The following UNC80 variants were observed in gnomAD, a reference collection of about 807,000 sequenced individuals.
UNC80 encodes protein unc-80 homolog.
A neutral mutation model predicts 384.6 loss-of-function variants in UNC80; 164 were observed. The observed-to-expected ratio is 0.43, with a 90% confidence interval of 0.38 to 0.49. UNC80 has a LOEUF of 0.49. Among genes scored for constraint, UNC80 ranks in the 20% least tolerant of loss-of-function variants. The pLI is 0.00. For missense variants in UNC80, 3,330 were observed against 4,143.0 expected (o/e 0.80, Z 5.39); for synonymous variants, 1,486 against 1,527.8 (o/e 0.97, Z 0.64).
At position 209,998,228 on chromosome 2, in the gene UNC80, G is replaced by T. The variant is rs2093511158; in HGVS notation, c.*2633G>T. ...TTGGAATAAACCATGTGTTATCCAT[G>T]ATAGTATGACTCAGATCCAATTAAA... On this transcript the variant is annotated 3_prime_UTR_variant, in exon 65 of 65. Coordinates refer to ENST00000673920, the MANE Select transcript of UNC80 (RefSeq NM_001371986.1). 1 of 152,232 alleles carries T rather than the reference G, an allele frequency of 6.6e-6. No homozygotes were observed. The highest frequency in any genetic ancestry group is 2.1e-4 in the South Asian group (1 of 4,836). The allele number at this position is 152,232 out of a possible 1,614,324, so 9.4% of individuals were successfully genotyped here. A position where few individuals can be genotyped will look rare whatever the true frequency, so the allele number is the denominator to read the frequency against.
intron 3 of UNC80, 115 bp from the exon 4 acceptor site, chr2:209,777,143 A>T: frequency 8.4e-7 from 1 of 1,191,062 alleles, no homozygotes; most frequent in Non-Finnish European, 1.2e-6. Context: ...CCCTGCTAGC[A>T]GTGGTTGTAA....
At chr2:209,783,688 T>C (rs2077270896) in intron 4 of UNC80, among the ~76,000 whole-genome samples, 1 of 152,116 alleles carries the variant, frequency 6.6e-6, no homozygotes, top group South Asian at 2.1e-4. Flanking sequence ...GATTTCAGTA[T>C]AAGAGAGATC....
intron 8 of UNC80, 60 bp from the exon 9 acceptor site, chr2:209,815,197 A>T: frequency 1.3e-6 from 2 of 1,488,046 alleles, no homozygotes; most frequent in African/African-American, 2.8e-5. Context: ...TGACATTTCA[A>T]TAAGAACAGT....
At chr2:209,938,676 G>GTCTCTCTCTCTC (rs10555565) in intron 42 of UNC80, among the ~76,000 whole-genome samples, 109 of 137,450 alleles carry the variant, frequency 7.9e-4, no homozygotes, top group African/African-American at 1.5e-3. Context: ...CCTAGTCTCT[G>GTCTCTCTCTCTC]TCTCTCTCTC....
chr2:209,907,171 A>G (rs2088323460), intron 29 of UNC80, among the ~76,000 whole-genome samples: 1 of 150,986 alleles, frequency 6.6e-6, no homozygotes, highest in East Asian at 1.9e-4. Context: ...ATGTTTTCTC[A>G]TTCTTCTTTC....
At chr2:209,948,531 T>C (rs773061216) in intron 47 of UNC80, among the ~76,000 whole-genome samples, 24 of 152,186 alleles carry the variant, frequency 1.6e-4, no homozygotes, top group Non-Finnish European at 2.2e-4. Flanking sequence ...GTTATCAGTA[T>C]TTTTTATTTT....
chr2:209,881,222 C>A, intron 25 of UNC80, 128 bp downstream of exon 25: 3 of 1,076,322 alleles, frequency 2.8e-6, no homozygotes, highest in South Asian at 2.0e-5. Flanking sequence ...AAAAATTCAA[C>A]CAAGGGATTT....
chr2:209,772,256 GC>G, intron 1 of UNC80, 92 bp downstream of exon 1: 1 of 587,356 alleles, frequency 1.7e-6, no homozygotes, highest in Non-Finnish European at 2.4e-6. Flanking sequence ...CGCCGCTGAG[GC>G]CGCGCCACAG....
intron 25 of UNC80, among the ~76,000 whole-genome samples, chr2:209,882,383 T>C (rs914391955): frequency 1.3e-5 from 2 of 152,156 alleles, no homozygotes; most frequent in African/African-American, 4.8e-5. Context: ...ATGACACCTC[T>C]GCCTCTGGTT....
chr2:209,892,822 G>A (rs2086470169), intron 26 of UNC80, among the ~76,000 whole-genome samples: 1 of 152,170 alleles, frequency 6.6e-6, no homozygotes, highest in African/African-American at 2.4e-5. Context: ...TAGTGTGTGA[G>A]TTTTGTGCTA....
At chr2:209,905,183 G>A (rs1559302962) in intron 29 of UNC80, among the ~76,000 whole-genome samples, 1 of 152,066 alleles carries the variant, frequency 6.6e-6, no homozygotes, top group Non-Finnish European at 1.5e-5. Flanking sequence ...GTCTTATTCT[G>A]TAAATAAATA....
chr2:209,951,843 C>G (rs544941346), intron 47 of UNC80, among the ~76,000 whole-genome samples: 3 of 152,210 alleles, frequency 2.0e-5, no homozygotes, highest in Admixed American at 1.3e-4. Context: ...ATTTTTTCCT[C>G]CTTAACCACA....
Position 209,816,899 on chromosome 2 carries a change from A to C in UNC80, c.1336-10A>C, listed in dbSNP as rs1481321059. 2 of 1,551,286 alleles carry C rather than the reference A, an allele frequency of 1.3e-6. No homozygotes were observed. Among genetic ancestry groups the C allele is most frequent in the African/African-American group, 2.7e-5 (2 of 73,002 alleles). ...CCCTGTGCCTAATTCTACACCTCTC[A>C]TCACTGTAGTTCAAGAGCCGCAAAG... On this transcript the variant is annotated splice_polypyrimidine_tract_variant and intron_variant, in intron 9 of 64. Transcript: ENST00000673920.
chr2:209,911,004 A>T (rs1443489073), intron 29 of UNC80, among the ~76,000 whole-genome samples: 1 of 152,072 alleles, frequency 6.6e-6, no homozygotes, highest in Non-Finnish European at 1.5e-5. Flanking sequence ...GCTATAAAGA[A>T]ATACCCTAGA....
At chr2:209,856,713 G>A (rs181934604) in intron 22 of UNC80, among the ~76,000 whole-genome samples, 1 of 151,858 alleles carries the variant, frequency 6.6e-6, no homozygotes, top group Non-Finnish European at 1.5e-5. Flanking sequence ...CAAATGTCAG[G>A]TGTCCTTATA....
At chr2:209,946,630 A>G (rs888070302) in intron 47 of UNC80, among the ~76,000 whole-genome samples, 2 of 152,200 alleles carry the variant, frequency 1.3e-5, no homozygotes, top group Non-Finnish European at 2.9e-5. Flanking sequence ...AATTTCTGTA[A>G]CACAAAGGGC....
At chr2:209,943,082 A>T (rs997059052) in intron 44 of UNC80, among the ~76,000 whole-genome samples, 4 of 152,202 alleles carry the variant, frequency 2.6e-5, no homozygotes, top group Non-Finnish European at 5.9e-5. Context: ...CCACTGTTAT[A>T]GCCAGTCTTG....
intron 25 of UNC80, among the ~76,000 whole-genome samples, chr2:209,881,717 T>G (rs1003274334): frequency 2.0e-5 from 3 of 152,068 alleles, no homozygotes; most frequent in African/African-American, 7.2e-5. Context: ...ACCAATGATA[T>G]AAATATAAAT....
chr2:209,775,798 T>TC lies in UNC80; in HGVS notation c.142-90dup, dbSNP rs530739903. ...TTTAAGGGGTACAGTACCTTGCTGTTCATTTTTTCACTAACCAGAATCTTC... is the reference window on the plus strand; with the variant it reads ...TTTAAGGGGTACAGTACCTTGCTGTTCCATTTTTTCACTAACCAGAATCTTC... On this transcript the variant is annotated intron_variant, in intron 2 of 64. Coordinates refer to ENST00000673920, the MANE Select transcript of UNC80 (RefSeq NM_001371986.1). 1.6e-4 allele frequency: 219 copies of TC among 1,357,178 alleles called. No homozygotes were observed. The African/African-American group carries it at 3.0e-3, about 19-fold the overall frequency. 84.1% of individuals were successfully genotyped at this position (1,357,178 alleles called of 1,614,324 possible).
Sources: gnomAD v4.1 joint callset for allele counts (sites outside exome capture counted in the v4.1 genomes callset) on GRCh38, gnomAD v4.1.1 for gene constraint, MANE v1.5 for transcripts, NCBI Gene and HGNC (gene_info 2026-07-23, HGNC 2026-07-21) for gene names.